CNBD1: variants seen among roughly 807,000 people sequenced by gnomAD.
CNBD1 encodes cyclic nucleotide-binding domain-containing protein 1.
In CNBD1, 71 loss-of-function variants were observed where a neutral mutation model predicts 54.4. That is an observed-to-expected ratio of 1.30 (90% confidence interval 1.08 to 1.59). The LOEUF is 1.59. CNBD1 is among the 40% of genes most tolerant of loss of function. CNBD1 has a pLI of 0.00. For synonymous variants in CNBD1, 182 were observed against 170.7 expected, an observed-to-expected ratio of 1.07 and a Z score of -0.51; for missense variants, 659 against 518.0, an observed-to-expected ratio of 1.27 and a Z score of -2.64.
intron 4 of CNBD1, among the ~76,000 whole-genome samples, chr8:87,039,483 G>T (rs1810019653): frequency 6.6e-6 from 1 of 151,980 alleles, no homozygotes; most frequent in South Asian, 2.1e-4. Flanking sequence ...TTTACTAGAG[G>T]TTTATCTATT....
chr8:87,207,718 GAAAC>G lies in CNBD1; in HGVS notation c.577+1586_577+1589del, dbSNP rs150535398. On this transcript the variant is annotated intron_variant, in intron 5 of 10. Transcript: ENST00000518476. ...CAAACATTTTCTAAAATTAAAATTA[GAAAC>G]AAACATTTAATTTGATGGCACCTTA... 4.4e-3 allele frequency among the ~76,000 whole-genome samples: 675 copies of G among 152,016 alleles called. 2 individuals are homozygous for G. Among genetic ancestry groups the G allele is most frequent in the Middle Eastern group, 0.024 (7 of 294 alleles).
chr8:87,153,417 T>G (rs1289606837), intron 4 of CNBD1, among the ~76,000 whole-genome samples: 4 of 152,102 alleles, frequency 2.6e-5, no homozygotes, highest in Non-Finnish European at 5.9e-5. Flanking sequence ...AAGCTATAAT[T>G]TATAGAGAAA....
chr8:87,248,741 C>T (rs1047533936), intron 6 of CNBD1, among the ~76,000 whole-genome samples: 2 of 152,154 alleles, frequency 1.3e-5, no homozygotes, highest in Non-Finnish European at 2.9e-5. Flanking sequence ...CTTTTGATGT[C>T]CCCTCATTGG....
chr8:87,137,121 T>TATA (rs1812267694), intron 4 of CNBD1, among the ~76,000 whole-genome samples: 1 of 137,188 alleles, frequency 7.3e-6, no homozygotes, highest in African/African-American at 2.7e-5. Flanking sequence ...ATATTATATT[T>TATA]TTATTATATA....
rs115399938 is a variant in CNBD1, at chr8:86,984,958, C to T, written c.431+45204C>T. Among the ~76,000 whole-genome samples the T allele has an allele frequency of 5.0e-3, 767 of 151,976 alleles. 6 individuals carry two copies. Among genetic ancestry groups the T allele is most frequent in the African/African-American group, 0.017 (723 of 41,436 alleles). On this transcript the variant is annotated intron_variant, in intron 4 of 10. Transcript: ENST00000518476. ...TGAGGACATGAGATTTGGGAGGGGT[C>T]GGGGTGGAATGACATGGTTTGGCTG...
chr8:87,337,576 G>A, intron 8 of CNBD1, among the ~76,000 whole-genome samples: 1 of 152,242 alleles, frequency 6.6e-6, no homozygotes, highest in East Asian at 1.9e-4. Context: ...TGGCTCCATG[G>A]TGGTGACCCA....
intron 4 of CNBD1, among the ~76,000 whole-genome samples, chr8:86,991,398 C>G (rs1470044456): frequency 6.6e-6 from 1 of 152,034 alleles, no homozygotes; most frequent in Non-Finnish European, 1.5e-5. Flanking sequence ...CTCTGTCTCT[C>G]TCTCTCTCTC....
intron 4 of CNBD1, among the ~76,000 whole-genome samples, chr8:87,186,521 C>G (rs138811659): frequency 1.3e-5 from 2 of 151,950 alleles, no homozygotes; most frequent in Non-Finnish European, 2.9e-5. Context: ...AAACAATAAA[C>G]AAACAAACAA....
rs1367850 is a variant in CNBD1, at chr8:87,217,066, G to A, written c.577+10928G>A. 7.8e-4 allele frequency among the ~76,000 whole-genome samples: 119 copies of A among 152,140 alleles called. 3 individuals carry two copies. In the East Asian group the frequency reaches 0.02, roughly 26 times the overall value. The stretch of plus-strand genomic sequence containing the variant: ...TTTATGGCACTGGCCTGAATTTAAT[G>A]TTCAATGTAAATTTTAATCTTTTAA... On this transcript the variant is annotated intron_variant, in intron 5 of 10. Coordinates refer to ENST00000518476, the MANE Select transcript of CNBD1 (RefSeq NM_173538.3).
chr8:86,956,181 T>C (rs1807764132), intron 4 of CNBD1, among the ~76,000 whole-genome samples: 1 of 152,120 alleles, frequency 6.6e-6, no homozygotes, highest in Non-Finnish European at 1.5e-5. Flanking sequence ...TTCTGTTCCA[T>C]TGATCTATAT....
At chr8:87,092,537 G>A (rs1811237109) in intron 4 of CNBD1, among the ~76,000 whole-genome samples, 1 of 114,914 alleles carries the variant, frequency 8.7e-6, no homozygotes, top group Non-Finnish European at 1.7e-5. Flanking sequence ...ATGTATGTAT[G>A]TGTGTGTATA....
chr8:87,364,278 C>G (rs1468463829), intron 10 of CNBD1, among the ~76,000 whole-genome samples: 1 of 151,416 alleles, frequency 6.6e-6, no homozygotes, highest in African/African-American at 2.4e-5. Context: ...GATAACATTA[C>G]TCAGAAAACA....
At chr8:87,071,039 C>T (rs1211102919) in intron 4 of CNBD1, among the ~76,000 whole-genome samples, 4 of 151,802 alleles carry the variant, frequency 2.6e-5, no homozygotes, top group Non-Finnish European at 2.9e-5. Context: ...AGAGAAATTT[C>T]GACTGATGAT....
chr8:87,407,867 C>G (rs76743901), intron 2 of CNBD1, among the ~76,000 whole-genome samples: 5,217 of 151,950 alleles, frequency 0.034, 281 homozygotes, highest in African/African-American at 0.12. Context: ...ATTTGTAGAT[C>G]TTTAATTATT....
chr8:87,418,022 G>T (rs932701536), intron 2 of CNBD1, among the ~76,000 whole-genome samples: 6 of 151,798 alleles, frequency 4.0e-5, no homozygotes, highest in Non-Finnish European at 8.8e-5. Flanking sequence ...TAAAATTCCT[G>T]CTCTCCGTTT....
At chr8:87,383,904 C>G (rs941691462), downstream of CNBD1, among the ~76,000 whole-genome samples, 2 of 152,112 alleles carry the variant, frequency 1.3e-5, no homozygotes, top group Admixed American at 1.3e-4. Context: ...GTTTAGAATG[C>G]TATTTATAAG....
chr8:86,896,721 T>A (rs945133528), intron 2 of CNBD1, among the ~76,000 whole-genome samples: 2 of 152,168 alleles, frequency 1.3e-5, no homozygotes, highest in Non-Finnish European at 2.9e-5. Flanking sequence ...TCAAGACCAC[T>A]CTTTGCAGCT....
chr8:87,389,154 G>T (rs1811255414), intron 2 of CNBD1, among the ~76,000 whole-genome samples: 1 of 152,092 alleles, frequency 6.6e-6, no homozygotes, highest in African/African-American at 2.4e-5. Flanking sequence ...ATCCTGAATG[G>T]GCAAAAACTG....
At chr8:86,903,482 A>G (rs1411921951) in intron 2 of CNBD1, among the ~76,000 whole-genome samples, 1 of 152,084 alleles carries the variant, frequency 6.6e-6, no homozygotes, top group African/African-American at 2.4e-5. Context: ...GTATCTAGTT[A>G]ATACAGTTAT....
Sources: gnomAD v4.1 joint callset for allele counts (sites outside exome capture counted in the v4.1 genomes callset) on GRCh38, gnomAD v4.1.1 for gene constraint, MANE v1.5 for transcripts, NCBI Gene and HGNC (gene_info 2026-07-23, HGNC 2026-07-21) for gene names.